Variants in POU6F2 observed in about 807,000 individuals in gnomAD.
POU6F2 encodes POU class 6 homeobox 2, also known as POU domain, class 6, transcription factor 2.
Under a neutral mutation model 71.3 loss-of-function variants are expected in POU6F2, and 31 were observed. That is an observed-to-expected ratio of 0.43 (90% CI 0.33 to 0.59). The LOEUF (loss-of-function observed/expected upper bound fraction) is 0.59, where lower values mean the gene tolerates loss of function less well. POU6F2 is among the 20% of genes least tolerant of loss of function. The pLI, the probability that POU6F2 is intolerant of heterozygous loss-of-function variation, is 0.04. For missense variants in POU6F2, 783 were observed against 856.8 expected, an observed-to-expected ratio of 0.91 and a Z score of 1.07; for synonymous variants, 347 against 355.7, an observed-to-expected ratio of 0.98 and a Z score of 0.27.
At chr7:39,434,678 A>G (rs1417901191) in intron 7 of POU6F2, among the ~76,000 whole-genome samples, 2 of 150,566 alleles carry the variant, frequency 1.3e-5, no homozygotes, top group African/African-American at 4.9e-5. Context: ...CAAAAAACAC[A>G]AAAAAAAATG....
chr7:39,330,807 C>G (rs2159153), intron 4 of POU6F2, among the ~76,000 whole-genome samples: 83,518 of 152,004 alleles, frequency 0.55, 23,670 homozygotes, highest in East Asian at 0.87. Flanking sequence ...ATTTTCTCTT[C>G]TAGCTACTTT....
chr7:39,014,839 G>A (rs940033990), intron 1 of POU6F2, among the ~76,000 whole-genome samples: 3 of 152,012 alleles, frequency 2.0e-5, no homozygotes, highest in Non-Finnish European at 2.9e-5. Context: ...TACATCCTTG[G>A]TGTAATAAAT....
chr7:39,206,646 G>C (rs1206832107), intron 3 of POU6F2, among the ~76,000 whole-genome samples: 1 of 152,102 alleles, frequency 6.6e-6, no homozygotes, highest in African/African-American at 2.4e-5. Flanking sequence ...TTTTTCTAAA[G>C]AGGTGTCATA....
At chr7:39,088,421 G>T (rs1055936859) in intron 2 of POU6F2, among the ~76,000 whole-genome samples, 1 of 152,024 alleles carries the variant, frequency 6.6e-6, no homozygotes, top group Non-Finnish European at 1.5e-5. Context: ...AGCAACTTTG[G>T]TGACACAATT....
chr7:39,098,854 GT>G (rs957183692), intron 2 of POU6F2, among the ~76,000 whole-genome samples: 1 of 152,202 alleles, frequency 6.6e-6, no homozygotes, highest in African/African-American at 2.4e-5. Context: ...TACTTGCTAT[GT>G]TTAGAAAGAA....
intron 4 of POU6F2, among the ~76,000 whole-genome samples, chr7:39,315,733 T>C (rs990699930): frequency 3.3e-5 from 5 of 152,118 alleles, no homozygotes; most frequent in Non-Finnish European, 7.3e-5. Context: ...TGGCAGTAGG[T>C]TGGGGAGAAA....
intron 8 of POU6F2, among the ~76,000 whole-genome samples, chr7:39,453,132 C>G (rs1788701139): frequency 6.6e-6 from 1 of 152,160 alleles, no homozygotes; most frequent in African/African-American, 2.4e-5. Flanking sequence ...CCAGACTAAC[C>G]TGGATGCTGT....
chr7:39,286,939 C>CT (rs57938154), intron 4 of POU6F2, among the ~76,000 whole-genome samples: 24,288 of 146,388 alleles, frequency 0.17, 2,172 homozygotes, highest in African/African-American at 0.25. Context: ...TTTGAGGTAT[C>CT]TTTTTTTTTT....
chr7:39,402,911 G>A (rs1400405933), intron 5 of POU6F2, among the ~76,000 whole-genome samples: 1 of 152,166 alleles, frequency 6.6e-6, no homozygotes, highest in Non-Finnish European at 1.5e-5. Flanking sequence ...TTCATGCACA[G>A]TATAAACCAT....
At chr7:39,435,993 G>A (rs898047700) in intron 7 of POU6F2, among the ~76,000 whole-genome samples, 3 of 152,076 alleles carry the variant, frequency 2.0e-5, no homozygotes, top group Non-Finnish European at 4.4e-5. Flanking sequence ...TATCTGTTTT[G>A]GTGCCAGTAC....
At chr7:39,212,358 T>C (rs1562748974) in intron 4 of POU6F2, among the ~76,000 whole-genome samples, 1 of 152,122 alleles carries the variant, frequency 6.6e-6, no homozygotes, top group Non-Finnish European at 1.5e-5. Flanking sequence ...GCTCAGGAGA[T>C]GCCAATGGTG....
rs1358439887 is a variant in POU6F2 at position 39,097,572 on chromosome 7, C to T, written c.277+11541C>T. Among the ~76,000 whole-genome samples the T allele has an allele frequency of 2.6e-5, 4 of 152,060 alleles. No homozygotes were observed. The South Asian group carries it at 8.3e-4, about 32-fold the overall frequency. On this transcript the variant is annotated intron_variant, in intron 2 of 9. Coordinates refer to ENST00000518318, the MANE Select transcript of POU6F2 (RefSeq NM_001370959.1). ...TACAGTGTAGAATAGAAGTGAAAAC[C>T]CATAATTTGCCCTATTTATTAAATG...
intron 8 of POU6F2, among the ~76,000 whole-genome samples, chr7:39,457,322 C>T (rs977179667): frequency 6.6e-6 from 1 of 152,196 alleles, no homozygotes; most frequent in Non-Finnish European, 1.5e-5. Context: ...ACTGGTTAAT[C>T]CAACTGAATC....
At chr7:39,238,558 A>G (rs2128751035) in intron 4 of POU6F2, among the ~76,000 whole-genome samples, 1 of 152,266 alleles carries the variant, frequency 6.6e-6, no homozygotes, top group South Asian at 2.1e-4. Context: ...CAAAACCAAA[A>G]ATAATTGCCA....
chr7:39,457,588 T>A (rs1168621106), intron 8 of POU6F2, among the ~76,000 whole-genome samples: 2 of 152,030 alleles, frequency 1.3e-5, no homozygotes, highest in Non-Finnish European at 2.9e-5. Flanking sequence ...GCACACAGAG[T>A]GCACCACACC....
At chr7:39,099,294 G>A (rs1213746668) in intron 2 of POU6F2, among the ~76,000 whole-genome samples, 1 of 152,228 alleles carries the variant, frequency 6.6e-6, no homozygotes, top group Admixed American at 6.5e-5. Context: ...GGCAGCAAAT[G>A]CCTTTCTCCC....
At chr7:39,139,566 TGGA>T (rs1363790827) in intron 2 of POU6F2, among the ~76,000 whole-genome samples, 1 of 152,222 alleles carries the variant, frequency 6.6e-6, no homozygotes, top group Non-Finnish European at 1.5e-5. Context: ...CCTAATACTC[TGGA>T]TGCTGTTTTG....
intron 5 of POU6F2, among the ~76,000 whole-genome samples, chr7:39,378,638 ATCT>A (rs766457977): frequency 4.6e-5 from 7 of 152,138 alleles, no homozygotes; most frequent in Non-Finnish European, 1.0e-4. Context: ...CCATTTACAG[ATCT>A]TCTGAAAAAC....
At chr7:39,453,616 G>A (rs987597930) in intron 8 of POU6F2, among the ~76,000 whole-genome samples, 1 of 152,238 alleles carries the variant, frequency 6.6e-6, no homozygotes, top group African/African-American at 2.4e-5. Flanking sequence ...CAGTCAGATG[G>A]ATGGAACTGG....
Sources: allele counts gnomAD v4.1 joint callset (sites outside exome capture counted in the v4.1 genomes callset), GRCh38; gene constraint gnomAD v4.1.1; transcripts MANE v1.5; gene names NCBI Gene and HGNC (gene_info 2026-07-23, HGNC 2026-07-21).